The following TTC7B variants were observed in gnomAD, a reference collection of about 807,000 sequenced individuals.
TTC7B encodes the protein tetratricopeptide repeat domain 7B, also known as tetratricopeptide repeat protein 7B.
Under a neutral mutation model 106.8 loss-of-function variants are expected in TTC7B, and 28 were observed. The ratio of observed to expected loss-of-function variants is 0.26; its 90% CI spans 0.19 to 0.36. The LOEUF (loss-of-function observed/expected upper bound fraction) is 0.36, where lower values mean the gene tolerates loss of function less well. Among genes scored for constraint, TTC7B ranks in the 10% least tolerant of loss-of-function variants. The pLI is 1.00. For synonymous variants in TTC7B, 405 were observed against 430.6 expected (o/e 0.94, Z 0.74); for missense variants, 862 against 1,076.4 (o/e 0.80, Z 2.79).
chr14:90,698,510 T>C (rs1887855457), intron 5 of TTC7B: 1 of 152,216 alleles, frequency 6.6e-6, no homozygotes, highest in African/African-American at 2.4e-5. Context: ...TTAGGTCATT[T>C]ATTCCATTTC....
intron 5 of TTC7B, among the ~76,000 whole-genome samples, chr14:90,724,410 A>G (rs1249240064): frequency 2.0e-5 from 3 of 152,122 alleles, no homozygotes; most frequent in Non-Finnish European, 4.4e-5. Context: ...TCATATTGAA[A>G]TGTAATCCCC....
intron 3 of TTC7B, among the ~76,000 whole-genome samples, chr14:90,764,805 TAAC>T (rs899510302): frequency 6.6e-6 from 1 of 152,122 alleles, no homozygotes; most frequent in African/African-American, 2.4e-5. Context: ...AAAAGACAGA[TAAC>T]AACAAGTGTT....
chr14:90,553,848 A>C (rs1890190530), intron 19 of TTC7B, among the ~76,000 whole-genome samples: 1 of 152,250 alleles, frequency 6.6e-6, no homozygotes, highest in African/African-American at 2.4e-5. Flanking sequence ...GGAAAATATG[A>C]GCACGGCTTT....
chr14:90,723,565 A>C (rs565006340), intron 5 of TTC7B, among the ~76,000 whole-genome samples: 1 of 152,192 alleles, frequency 6.6e-6, no homozygotes, highest in South Asian at 2.1e-4. Context: ...AGACCTCTGC[A>C]CATTTTGCAC....
At chr14:90,695,096 T>C (rs1198580767) in intron 6 of TTC7B, among the ~76,000 whole-genome samples, 6 of 84,148 alleles carry the variant, frequency 7.1e-5, no homozygotes, top group Admixed American at 6.5e-4. Context: ...TTATAAAATA[T>C]ATTTTATTTT....
In TTC7B at chr14:90,647,014, G is replaced by A; in HGVS notation, c.1527C>T (p.Ser509=). The A allele has an allele frequency of 6.2e-7, 1 of 1,614,170 alleles. No homozygotes were observed. The highest frequency in any genetic ancestry group is 1.7e-5 in the Admixed American group (1 of 60,022). The change falls in exon 14 of 20, where the codon AGC becomes AGT. Residue 509 remains serine, a synonymous_variant. Transcript: ENST00000328459. ...CTGCTTGGTGATCTGTGGGTGACAGGCTGTGGGCCCTGAAAAAGTATTTAC... is the reference window on the plus strand; with the variant it reads ...CTGCTTGGTGATCTGTGGGTGACAGACTGTGGGCCCTGAAAAAGTATTTAC... ...KALLAFQRAH[S]LSPTDHQAAF... is the part of the protein sequence containing the mutation.
chr14:90,714,527 G>T (rs986463110), intron 5 of TTC7B, among the ~76,000 whole-genome samples: 21 of 151,428 alleles, frequency 1.4e-4, no homozygotes, highest in Non-Finnish European at 1.6e-4. Flanking sequence ...CGCAATCTTG[G>T]CTCACTGCAA....
intron 15 of TTC7B, among the ~76,000 whole-genome samples, chr14:90,627,131 G>A (rs1396588309): frequency 2.0e-5 from 3 of 151,940 alleles, no homozygotes; most frequent in South Asian, 2.1e-4. Context: ...GCAGGCATGC[G>A]TCACCATGAC....
At chr14:90,639,909 A>T (rs571675662) in intron 15 of TTC7B, among the ~76,000 whole-genome samples, 1 of 152,384 alleles carries the variant, frequency 6.6e-6, no homozygotes, top group African/African-American at 2.4e-5. Flanking sequence ...AATGAACGCA[A>T]GCAGCATAAG....
rs752090673 is a variant in TTC7B at position 90,528,015 on chromosome 14, T to C, written c.*13353A>G. On this transcript the variant is annotated 3_prime_UTR_variant, in exon 20 of 20. Coordinates refer to ENST00000328459, the MANE Select transcript of TTC7B (RefSeq NM_001010854.2). ...AGAGTAAAGGCTCCATAGGCATTTA[T>C]TGGTTGACAAGGTTGGCATATGTTG... 1 of 152,214 alleles carries C rather than the reference T, an allele frequency of 6.6e-6. No homozygotes were observed. The highest frequency in any genetic ancestry group is 1.5e-5 in the Non-Finnish European group (1 of 68,012). The allele number at this position is 152,214 out of a possible 1,614,324, so 9.4% of individuals were successfully genotyped here.
chr14:90,549,388 T>G (rs970562923), intron 19 of TTC7B, among the ~76,000 whole-genome samples: 6 of 152,084 alleles, frequency 3.9e-5, no homozygotes, highest in African/African-American at 1.4e-4. Flanking sequence ...CTCCTCGTGG[T>G]GGGGTGTCAG....
intron 3 of TTC7B, 145 bp downstream of exon 3, chr14:90,780,593 C>A: frequency 1.2e-6 from 1 of 864,226 alleles, no homozygotes; most frequent in Admixed American, 2.5e-5. Context: ...CATGACCCAG[C>A]ATGTGCTGCA....
intron 3 of TTC7B, among the ~76,000 whole-genome samples, chr14:90,776,790 A>C (rs563328049): frequency 6.6e-6 from 1 of 152,270 alleles, no homozygotes; most frequent in Admixed American, 6.5e-5. Flanking sequence ...GGAGAGAACA[A>C]GGGCCCTAGA....
At chr14:90,568,425 A>G (rs1167099079) in intron 19 of TTC7B, among the ~76,000 whole-genome samples, 5 of 152,362 alleles carry the variant, frequency 3.3e-5, no homozygotes, top group Middle Eastern at 3.4e-3. Context: ...GATCATAATT[A>G]CTAATGACAG....
chr14:90,705,667 C>T (rs1024476517), intron 5 of TTC7B, among the ~76,000 whole-genome samples: 15 of 152,114 alleles, frequency 9.9e-5, no homozygotes, highest in African/African-American at 2.2e-4. Context: ...ATAAAGACAC[C>T]GCCATTCACC....
chr14:90,667,564 A>C (rs1886461198), intron 9 of TTC7B, among the ~76,000 whole-genome samples: 1 of 152,204 alleles, frequency 6.6e-6, no homozygotes, highest in Admixed American at 6.5e-5. Flanking sequence ...TCTATATTAC[A>C]AAAGTTGTAC....
chr14:90,809,339 C>T (rs1448403391), intron 1 of TTC7B, among the ~76,000 whole-genome samples: 1 of 152,268 alleles, frequency 6.6e-6, no homozygotes, highest in Non-Finnish European at 1.5e-5. Flanking sequence ...AACTAATTCA[C>T]ATGCTTGCAC....
chr14:90,675,124 T>G (rs1442275629), intron 9 of TTC7B: 1 of 152,378 alleles, frequency 6.6e-6, no homozygotes, highest in Admixed American at 6.5e-5. Context: ...ACCCAGCCAG[T>G]CAACAGGGCC....
At chr14:90,692,453 T>C (rs1440713572) in intron 6 of TTC7B, among the ~76,000 whole-genome samples, 1 of 152,232 alleles carries the variant, frequency 6.6e-6, no homozygotes, top group African/African-American at 2.4e-5. Flanking sequence ...CAGCTAATCT[T>C]AAAAAATCAT....
Sources: allele counts gnomAD v4.1 joint callset (sites outside exome capture counted in the v4.1 genomes callset), GRCh38; gene constraint gnomAD v4.1.1; transcripts MANE v1.5; gene names NCBI Gene and HGNC (gene_info 2026-07-23, HGNC 2026-07-21).